Variants in UST observed in about 807,000 individuals in gnomAD.
The protein encoded by UST is uronyl 2-sulfotransferase, also known as chondroitin sulfate 2-O-sulfotransferase.
In UST, 21 loss-of-function variants were observed where a neutral mutation model predicts 45.6. The observed-to-expected ratio is 0.46, with a 90% CI of 0.33 to 0.66. The LOEUF (loss-of-function observed/expected upper bound fraction) is 0.66, where lower values mean the gene tolerates loss of function less well. Among genes scored for constraint, UST ranks in the 30% least tolerant of loss-of-function variants. The pLI, the probability that UST is intolerant of heterozygous loss-of-function variation, is 0.02. For synonymous variants in UST, 215 were observed against 200.6 expected (o/e 1.07, Z -0.61); for missense variants, 463 against 512.4 (o/e 0.90, Z 0.93).
At chr6:148,984,972 A>G (rs763748634) in intron 5 of UST, among the ~76,000 whole-genome samples, 17 of 152,234 alleles carry the variant, frequency 1.1e-4, no homozygotes, top group African/African-American at 2.9e-4. Context: ...GTAATTGGCT[A>G]TGGAGCTAAA....
intron 7 of UST, among the ~76,000 whole-genome samples, chr6:149,061,663 A>T (rs528912761): frequency 9.8e-5 from 15 of 152,310 alleles, no homozygotes; most frequent in Admixed American, 6.5e-4. Flanking sequence ...CCGGGCAGAG[A>T]TGTGTTTCCA....
chr6:148,806,670 G>C (rs1244245889), intron 1 of UST, among the ~76,000 whole-genome samples: 1 of 152,164 alleles, frequency 6.6e-6, no homozygotes, highest in African/African-American at 2.4e-5. Context: ...TTTTATCTTA[G>C]TCTGTTGCTG....
chr6:148,759,499 C>A (rs1197364506), intron 1 of UST, among the ~76,000 whole-genome samples: 1 of 151,016 alleles, frequency 6.6e-6, no homozygotes, highest in Non-Finnish European at 1.5e-5. Flanking sequence ...TGCACTCCAG[C>A]CCGGGCGACA....
At chr6:148,986,453 T>G (rs1432446061) in intron 5 of UST, among the ~76,000 whole-genome samples, 1 of 152,182 alleles carries the variant, frequency 6.6e-6, no homozygotes, top group East Asian at 1.9e-4. Context: ...TCGAGTCAAT[T>G]TTTTATTTTT....
At chr6:149,068,653 AT>A (rs1029455324) in intron 7 of UST, among the ~76,000 whole-genome samples, 1 of 152,158 alleles carries the variant, frequency 6.6e-6, no homozygotes, top group Middle Eastern at 3.4e-3. Context: ...TATGTATGAT[AT>A]TTTTTTCCAT....
chr6:148,998,034 C>T lies in UST; in HGVS notation c.682-21105C>T, dbSNP rs376072429. ...TTTGTTTTGCGTTCTTAAGCCAAAA[C>T]TATTAGACTATTGCATGTGAAAGAA... On this transcript the variant is annotated intron_variant, in intron 5 of 7. Transcript: ENST00000367463. Among the ~76,000 whole-genome samples, 13 of 152,264 alleles carry T rather than the reference C, an allele frequency of 8.5e-5. No individual in the cohort carries two copies. The East Asian group carries it at 1.2e-3, about 14-fold the overall frequency.
chr6:148,928,014 G>T (rs975296611), intron 2 of UST, among the ~76,000 whole-genome samples: 1 of 152,228 alleles, frequency 6.6e-6, no homozygotes, highest in Non-Finnish European at 1.5e-5. Flanking sequence ...AGGCCTGGAG[G>T]GGAGGTATTT....
intron 5 of UST, among the ~76,000 whole-genome samples, chr6:148,975,759 A>G (rs1781004056): frequency 6.6e-6 from 1 of 152,240 alleles, no homozygotes. Context: ...GGAACCCAAC[A>G]TACATCAAAT....
intron 5 of UST, among the ~76,000 whole-genome samples, chr6:148,992,673 C>G (rs749700794): frequency 6.6e-6 from 1 of 152,072 alleles, no homozygotes; most frequent in Non-Finnish European, 1.5e-5. Context: ...TTTAACCAAG[C>G]GTTTAAGGTA....
At chr6:148,985,144 C>A (rs1225233333) in intron 5 of UST, among the ~76,000 whole-genome samples, 2 of 152,004 alleles carry the variant, frequency 1.3e-5, no homozygotes, top group Non-Finnish European at 2.9e-5. Context: ...AATGGAGACA[C>A]CCAGCAGGCA....
chr6:149,004,293 G>C (rs1420480399), intron 5 of UST, among the ~76,000 whole-genome samples: 3 of 152,174 alleles, frequency 2.0e-5, no homozygotes, highest in Non-Finnish European at 4.4e-5. Context: ...AGAAGAAAAA[G>C]GTTTTCTCAC....
chr6:149,073,732 T>C, intron 7 of UST, 101 bp from the exon 8 acceptor site: 1 of 1,407,520 alleles, frequency 7.1e-7, no homozygotes, highest in South Asian at 1.4e-5. Context: ...AGTTGCTTCC[T>C]TAGGTGCTAC....
At chr6:149,015,218 C>T (rs2500548) in intron 5 of UST, among the ~76,000 whole-genome samples, 137,452 of 152,268 alleles carry the variant, frequency 0.9, 62,335 homozygotes, top group Non-Finnish European at 0.93. Context: ...AAGATCAGAA[C>T]GGAAAAAGAC....
intron 5 of UST, among the ~76,000 whole-genome samples, chr6:148,966,929 G>A (rs1780814405): frequency 6.6e-6 from 1 of 152,086 alleles, no homozygotes; most frequent in Non-Finnish European, 1.5e-5. Context: ...TAGAGGCGGG[G>A]GTTTCACCAT....
intron 3 of UST, among the ~76,000 whole-genome samples, chr6:148,951,593 T>A (rs1780366341): frequency 1.3e-5 from 2 of 152,046 alleles, no homozygotes; most frequent in Non-Finnish European, 2.9e-5. Flanking sequence ...AAATAAGATT[T>A]AGGTGAAGGA....
rs114683047 is a variant in UST at position 148,914,180 on chromosome 6, A to T, written c.292-27099A>T. Among the ~76,000 whole-genome samples, 1,332 of 152,332 alleles carry T rather than the reference A, an allele frequency of 8.7e-3. 25 individuals carry two copies. The highest frequency in any genetic ancestry group is 0.03 in the African/African-American group (1,252 of 41,564). ...TGCTGAATGTTTTCCATTGTACTGC[A>T]TTAGGAGATACATAAGGTTTGGTTT... On this transcript the variant is annotated intron_variant, in intron 2 of 7. Coordinates refer to ENST00000367463, the MANE Select transcript of UST (RefSeq NM_005715.3).
At chr6:149,007,579 C>T (rs774001598) in intron 5 of UST, among the ~76,000 whole-genome samples, 13 of 151,272 alleles carry the variant, frequency 8.6e-5, no homozygotes, top group East Asian at 1.9e-4. Context: ...TGAGCCACCG[C>T]GCCTGGCCTT....
chr6:148,747,688 T>TGGGCAGGCGCTA lies in UST; in HGVS notation c.247+16_247+27dup, dbSNP rs1562555035. 1.3e-6 allele frequency: 2 copies of TGGGCAGGCGCTA among 1,586,274 alleles called. No individual in the cohort carries two copies. The highest frequency in any genetic ancestry group is 1.7e-6 in the Non-Finnish European group (2 of 1,167,702). The stretch of plus-strand genomic sequence containing the variant: ...TGCGGCAGTACTTGGGTAAGGAAGC[T>TGGGCAGGCGCTA]GGGCAGGCGCTAGGGCGGCGCCGAC... On this transcript the variant is annotated intron_variant, in intron 1 of 7. Transcript: ENST00000367463.
intron 1 of UST, among the ~76,000 whole-genome samples, chr6:148,763,319 T>C (rs949291651): frequency 6.6e-6 from 1 of 152,246 alleles, no homozygotes; most frequent in African/African-American, 2.4e-5. Context: ...TTGAAAAATG[T>C]CTGTTCATGT....
Sources: gnomAD v4.1 joint callset for allele counts (sites outside exome capture counted in the v4.1 genomes callset) on GRCh38, gnomAD v4.1.1 for gene constraint, MANE v1.5 for transcripts, NCBI Gene and HGNC (gene_info 2026-07-23, HGNC 2026-07-21) for gene names.